The following MIS18A variants were observed in gnomAD, a reference collection of about 807,000 sequenced individuals.
MIS18A encodes the protein protein Mis18-alpha.
In MIS18A, 14 loss-of-function variants were observed where a neutral mutation model predicts 25.0. That is an observed-to-expected ratio of 0.56 (90% CI 0.37 to 0.88). The LOEUF is 0.88. MIS18A is among the 40% of genes least tolerant of loss of function. The pLI is 0.00. For missense variants in MIS18A, 292 were observed against 290.8 expected (o/e 1.00, Z -0.03); for synonymous variants, 134 against 118.6 (o/e 1.13, Z -0.84).
chr21:32,185,413 G>C, the MIS18A span, among the ~76,000 whole-genome samples: 5 of 152,172 alleles, frequency 3.3e-5, no homozygotes, highest in Non-Finnish European at 7.3e-5. Context: ...TGCTCCCACA[G>C]GGAGGCCTGT....
At chr21:32,275,297 G>A (rs1330946753) in intron 1 of MIS18A, among the ~76,000 whole-genome samples, 5 of 152,132 alleles carry the variant, frequency 3.3e-5, no homozygotes, top group Non-Finnish European at 7.4e-5. Flanking sequence ...TAATAGAATG[G>A]CTAAAATTAG....
At chr21:32,178,545 T>C in the MIS18A span, among the ~76,000 whole-genome samples, 1 of 152,248 alleles carries the variant, frequency 6.6e-6, no homozygotes, top group East Asian at 1.9e-4. Flanking sequence ...CAATTATTTC[T>C]TTAGCATTTT....
chr21:32,181,974 T>C, the MIS18A span, among the ~76,000 whole-genome samples: 10 of 152,340 alleles, frequency 6.6e-5, no homozygotes, highest in Admixed American at 6.5e-4. Context: ...TCATACCTGT[T>C]TATAAAGTTG....
At chr21:32,260,271 T>G in the MIS18A span, 1 of 152,092 alleles carries the variant, frequency 6.6e-6, no homozygotes, top group Non-Finnish European at 1.5e-5. Flanking sequence ...TGAAGTCATT[T>G]AAGAATAATG....
At chr21:32,224,017 T>C in the MIS18A span, among the ~76,000 whole-genome samples, 10 of 152,162 alleles carry the variant, frequency 6.6e-5, no homozygotes, top group East Asian at 1.9e-4. Flanking sequence ...ACAGAACTAA[T>C]GACAAAAACC....
At chr21:32,224,096 C>G in the MIS18A span, among the ~76,000 whole-genome samples, 1 of 152,082 alleles carries the variant, frequency 6.6e-6, no homozygotes, top group Admixed American at 6.6e-5. Context: ...GCTAAAAACT[C>G]TCAATAAATT....
intron 2 of MIS18A, among the ~76,000 whole-genome samples, chr21:32,273,094 T>C (rs1355527927): frequency 6.6e-6 from 1 of 152,054 alleles, no homozygotes; most frequent in African/African-American, 2.4e-5. Context: ...CTAATTTATC[T>C]TAAATGGAGA....
chr21:32,184,888 G>A, the MIS18A span, among the ~76,000 whole-genome samples: 4 of 151,990 alleles, frequency 2.6e-5, no homozygotes, highest in South Asian at 4.2e-4. Context: ...TGTGGCTCCC[G>A]GCCACCGCAG....
chr21:32,215,982 T>C, the MIS18A span, among the ~76,000 whole-genome samples: 1 of 152,264 alleles, frequency 6.6e-6, no homozygotes, highest in African/African-American at 2.4e-5. Flanking sequence ...TGTGGTGCCA[T>C]CACCATAAGA....
the MIS18A span, among the ~76,000 whole-genome samples, chr21:32,205,361 C>G: frequency 1.4e-4 from 22 of 152,056 alleles, no homozygotes; most frequent in Non-Finnish European, 2.5e-4. Context: ...GCTCGGCCTC[C>G]CAAAGTGCTG....
At chr21:32,272,911 C>A (rs541565761) in intron 2 of MIS18A, among the ~76,000 whole-genome samples, 1 of 152,154 alleles carries the variant, frequency 6.6e-6, no homozygotes, top group African/African-American at 2.4e-5. Flanking sequence ...CAAGCATCAT[C>A]CTAGCTCTTA....
chr21:32,245,261 C>G, the MIS18A span, among the ~76,000 whole-genome samples: 1,548 of 152,320 alleles, frequency 0.01, 27 homozygotes, highest in African/African-American at 0.036. Context: ...CTTCTGCCTT[C>G]TAGCGGGCAT....
chr21:32,160,317 CACACACACACACACAT>C, the MIS18A span, among the ~76,000 whole-genome samples: 247 of 151,140 alleles, frequency 1.6e-3, no homozygotes, highest in African/African-American at 5.6e-3. Flanking sequence ...CACACACACA[CACACACACACACACAT>C]ACACCATTTC....
chr21:32,182,000 G>A, the MIS18A span, among the ~76,000 whole-genome samples: 90,268 of 152,076 alleles, frequency 0.59, 27,586 homozygotes, highest in African/African-American at 0.74. Context: ...AAAATAAATG[G>A]GATAATAACA....
chr21:32,247,270 G>T, the MIS18A span, among the ~76,000 whole-genome samples: 1 of 152,144 alleles, frequency 6.6e-6, no homozygotes, highest in African/African-American at 2.4e-5. Context: ...AAACTCTGGA[G>T]TCTCAAGTCT....
In MIS18A at chr21:32,278,851, A is replaced by T; in HGVS notation, c.164T>A (p.Met55Lys). The T allele has an allele frequency of 1.2e-6, 2 of 1,611,862 alleles. No individual in the cohort carries two copies. The highest frequency in any genetic ancestry group is 1.7e-6 in the Non-Finnish European group (2 of 1,179,454). ...GTCGGCCACCGACGCGTCTTCGCTC[A>T]TGGAGCTCCACATGCTCGCCCACTT... ...LQKWASMWSS[M>K]SEDASVADME... The change falls in exon 1 of 5, where the codon ATG becomes AAG. Residue 55 changes from methionine (M) to lysine (K), a missense_variant. Coordinates refer to ENST00000290130, the MANE Select transcript of MIS18A (RefSeq NM_018944.3).
At chr21:32,198,950 C>T in the MIS18A span, among the ~76,000 whole-genome samples, 1 of 151,112 alleles carries the variant, frequency 6.6e-6, no homozygotes, top group African/African-American at 2.4e-5. Context: ...CAGTCGTGGG[C>T]ACCATCCCAG....
chr21:32,160,317 C>T, the MIS18A span, among the ~76,000 whole-genome samples: 39,628 of 151,072 alleles, frequency 0.26, 6,773 homozygotes, highest in African/African-American at 0.49. Context: ...CACACACACA[C>T]ACACACACAC....
chr21:32,229,808 C>T, the MIS18A span, among the ~76,000 whole-genome samples: 2 of 152,164 alleles, frequency 1.3e-5, no homozygotes, highest in Non-Finnish European at 2.9e-5. Flanking sequence ...AGTAAGAGGC[C>T]CAGATTTCAC....
Sources: allele counts gnomAD v4.1 joint callset (sites outside exome capture counted in the v4.1 genomes callset), GRCh38; gene constraint gnomAD v4.1.1; transcripts MANE v1.5; gene names NCBI Gene and HGNC (gene_info 2026-07-23, HGNC 2026-07-21).